ADGRV1: variants seen among roughly 807,000 people sequenced by gnomAD.
ADGRV1 encodes adhesion G protein-coupled receptor V1.
ADGRV1 carries 359 observed loss-of-function variants against 596.2 expected under a neutral mutation model. The ratio of observed to expected loss-of-function variants is 0.60; its 90% CI spans 0.55 to 0.66. The LOEUF is 0.66. Among genes scored for constraint, ADGRV1 ranks in the 30% least tolerant of loss-of-function variants. The probability of loss-of-function intolerance (pLI) is 0.00; values close to 1 mark genes in which losing one functional copy is unlikely to be tolerated. For synonymous variants in ADGRV1, 2,681 were observed against 2,679.2 expected (o/e 1.00, Z -0.02); for missense variants, 7,274 against 7,575.6 (o/e 0.96, Z 1.48).
rs545236711 is a variant in ADGRV1 at position 90,815,639 on chromosome 5, A to G, written c.16099A>G (p.Ile5367Val). 3 of 1,569,674 alleles carry G rather than the reference A, an allele frequency of 1.9e-6. No individual in the cohort carries two copies. The highest frequency in any genetic ancestry group is 1.9e-5 in the Admixed American group (1 of 54,028). ...TTCAGGGAGTGACCTTCACAATGGC[A>G]TCATAGGATTCAGTGAGGAGTCCCA... ...IITGSDLHNG[I>V]IGFSEESQSG... The change falls in exon 75 of 90, where the codon ATC (isoleucine) becomes GTC (valine). Residue 5367 changes from isoleucine (I) to valine (V), a missense_variant. Coordinates refer to ENST00000405460, the MANE Select transcript of ADGRV1 (RefSeq NM_032119.4).
intron 1 of ADGRV1, among the ~76,000 whole-genome samples, chr5:90,599,345 A>G (rs1761113125): frequency 6.6e-6 from 1 of 152,204 alleles, no homozygotes; most frequent in Admixed American, 6.5e-5. Flanking sequence ...ATAAACTCTT[A>G]GGCATTCCCT....
intron 57 of ADGRV1, among the ~76,000 whole-genome samples, chr5:90,759,096 CTT>C (rs773953374): frequency 9.9e-5 from 15 of 152,054 alleles, no homozygotes; most frequent in Non-Finnish European, 2.1e-4. Flanking sequence ...AAATAATACT[CTT>C]ATCACATCAA....
chr5:90,632,284 CT>C (rs1330807413), intron 9 of ADGRV1, among the ~76,000 whole-genome samples: 1 of 152,012 alleles, frequency 6.6e-6, no homozygotes, highest in Non-Finnish European at 1.5e-5. Context: ...TCATGGAAGC[CT>C]GGGCATTCTG....
intron 83 of ADGRV1, among the ~76,000 whole-genome samples, chr5:90,951,894 T>C (rs1339066173): frequency 6.6e-6 from 1 of 152,198 alleles, no homozygotes; most frequent in East Asian, 1.9e-4. Flanking sequence ...ATATAAATTA[T>C]ACTGTATATA....
chr5:91,160,240 C>G (rs896107014), intron 89 of ADGRV1, among the ~76,000 whole-genome samples: 1 of 152,238 alleles, frequency 6.6e-6, no homozygotes, highest in African/African-American at 2.4e-5. Flanking sequence ...ATAAATTTCT[C>G]TTTGCAAGAT....
At position 91,014,136 on chromosome 5, in the gene ADGRV1, C is replaced by CCCCCCCCCCACACA. The variant is rs757029909; in HGVS notation, c.18152+28615_18152+28616insCCCCCCCCACACAC. 1.1e-4 allele frequency among the ~76,000 whole-genome samples: 4 copies of CCCCCCCCCCACACA among 35,696 alleles called. No individual in the cohort carries two copies. In the East Asian group the frequency reaches 2.7e-3, roughly 24 times the overall value. The allele number at this position is 35,696 out of a possible 152,430, so 23.4% of individuals were successfully genotyped here. A position where few individuals can be genotyped will look rare whatever the true frequency, so the allele number is the denominator to read the frequency against. On this transcript the variant is annotated intron_variant, in intron 85 of 89. Coordinates refer to ENST00000405460, the MANE Select transcript of ADGRV1 (RefSeq NM_032119.4). ...TCATAGGCAATCCCATTCACAATTG[C>CCCCCCCCCCACACA]CACACACACACACACACACACACAC...
At chr5:90,677,776 T>A (rs1456612932) in intron 25 of ADGRV1, among the ~76,000 whole-genome samples, 2 of 152,140 alleles carry the variant, frequency 1.3e-5, no homozygotes, top group African/African-American at 4.8e-5. Context: ...TAGGAAGCAA[T>A]AGTGGCCGAG....
chr5:90,783,815 A>T (rs146256540), intron 66 of ADGRV1, 23 bp from the exon 67 acceptor site: 1 of 1,545,598 alleles, frequency 6.5e-7, no homozygotes, highest in East Asian at 2.3e-5. Flanking sequence ...AGACTCACAG[A>T]ATTGCTCCTT....
chr5:90,950,602 A>G (rs1581609462), intron 83 of ADGRV1, among the ~76,000 whole-genome samples: 1 of 152,178 alleles, frequency 6.6e-6, no homozygotes, highest in East Asian at 1.9e-4. Context: ...GATTACAGGC[A>G]TGAGCCACTG....
rs1784702279 is a variant in ADGRV1 at position 91,034,315 on chromosome 5, A to AG, written c.18153-38132_18153-38131insG. 4.6e-5 allele frequency among the ~76,000 whole-genome samples: 7 copies of AG among 152,318 alleles called. No homozygotes were observed. The South Asian group carries it at 1.4e-3, about 32-fold the overall frequency. On this transcript the variant is annotated intron_variant, in intron 85 of 89. Coordinates refer to ENST00000405460, the MANE Select transcript of ADGRV1 (RefSeq NM_032119.4). ...AAACTTTAAGCAGGTTAAAGTCTAC[A>AG]TAACACAGAACTCATGGAAAAATCT...
intron 85 of ADGRV1, among the ~76,000 whole-genome samples, chr5:91,018,733 T>C (rs1330283717): frequency 1.3e-5 from 2 of 151,974 alleles, no homozygotes; most frequent in African/African-American, 4.8e-5. Context: ...TAAATAAATA[T>C]CCCTATATTT....
chr5:91,032,375 A>AT (rs1784550666), intron 85 of ADGRV1, among the ~76,000 whole-genome samples: 1 of 152,230 alleles, frequency 6.6e-6, no homozygotes, highest in South Asian at 2.1e-4. Context: ...TTATGATGCT[A>AT]TTGTGATGTA....
At chr5:90,697,813 T>C (rs2149660773) in intron 34 of ADGRV1, among the ~76,000 whole-genome samples, 1 of 152,232 alleles carries the variant, frequency 6.6e-6, no homozygotes, top group Non-Finnish European at 1.5e-5. Context: ...TTGGGGTAAA[T>C]AGGTATTGGT....
At chr5:90,901,926 T>A (rs1771884075) in intron 83 of ADGRV1, among the ~76,000 whole-genome samples, 1 of 152,082 alleles carries the variant, frequency 6.6e-6, no homozygotes, top group Non-Finnish European at 1.5e-5. Context: ...GACTGTAGTG[T>A]GAATAGTGGC....
intron 85 of ADGRV1, among the ~76,000 whole-genome samples, chr5:90,993,079 A>G (rs1377328813): frequency 6.8e-6 from 1 of 148,052 alleles, no homozygotes; most frequent in Admixed American, 6.8e-5. Flanking sequence ...CCAATGCACT[A>G]TGTCCCATTA....
intron 76 of ADGRV1, 54 bp downstream of exon 76, chr5:90,823,650 T>G (rs1397620281): frequency 2.7e-6 from 4 of 1,473,990 alleles, no homozygotes; most frequent in East Asian, 4.6e-5. Flanking sequence ...TTCTTTAGAA[T>G]TAATCATTTT....
intron 85 of ADGRV1, among the ~76,000 whole-genome samples, chr5:91,049,306 G>A (rs1786111381): frequency 6.6e-6 from 1 of 152,088 alleles, no homozygotes. Flanking sequence ...GTTTGTTTAT[G>A]GATTTGTCAG....
At position 90,567,842 on chromosome 5, in the gene ADGRV1, C is replaced by T. The variant is rs558598757; in HGVS notation, c.22+8925C>T. On this transcript the variant is annotated intron_variant, in intron 1 of 89. Coordinates refer to ENST00000405460, the MANE Select transcript of ADGRV1 (RefSeq NM_032119.4). ...GCAACCTCCGCCTCCTGGGTTCAAG[C>T]GATTCTCCTGCCTCAGCCTCCTGAG... Among the ~76,000 whole-genome samples the T allele has an allele frequency of 1.7e-4, 26 of 151,712 alleles. 1 individual carries two copies. The South Asian group carries it at 4.0e-3, about 23-fold the overall frequency.
At chr5:90,752,904 A>C (rs1019613236) in intron 53 of ADGRV1, among the ~76,000 whole-genome samples, 7 of 152,226 alleles carry the variant, frequency 4.6e-5, no homozygotes, top group Non-Finnish European at 8.8e-5. Flanking sequence ...ACATCAGCCT[A>C]TAATGCTAGT....
Sources: gnomAD v4.1 joint callset for allele counts (sites outside exome capture counted in the v4.1 genomes callset) on GRCh38, gnomAD v4.1.1 for gene constraint, MANE v1.5 for transcripts, NCBI Gene and HGNC (gene_info 2026-07-23, HGNC 2026-07-21) for gene names.